AGAP1: variants seen among roughly 807,000 people sequenced by gnomAD.
The protein encoded by AGAP1 is ArfGAP with GTPase domain, ankyrin repeat and PH domain 1.
A neutral mutation model predicts 105.3 loss-of-function variants in AGAP1; 29 were observed. The observed-to-expected ratio is 0.28, with a 90% CI of 0.21 to 0.38. The LOEUF (loss-of-function observed/expected upper bound fraction) is 0.38. Among genes scored for constraint, AGAP1 ranks in the 10% least tolerant of loss-of-function variants. The pLI is 1.00. For synonymous variants in AGAP1, 509 were observed against 485.9 expected (o/e 1.05, Z -0.63); for missense variants, 998 against 1,165.1 (o/e 0.86, Z 2.09).
intron 1 of AGAP1, among the ~76,000 whole-genome samples, chr2:235,496,560 C>A (rs1941327701): frequency 6.6e-6 from 1 of 152,190 alleles, no homozygotes; most frequent in Non-Finnish European, 1.5e-5. Context: ...TGATGAAACA[C>A]TGTGAAAGCC....
At chr2:235,707,357 C>A (rs1485177990) in intron 1 of AGAP1, among the ~76,000 whole-genome samples, 1 of 151,948 alleles carries the variant, frequency 6.6e-6, no homozygotes, top group African/African-American at 2.4e-5. Context: ...GCTGTCCTTT[C>A]CTGGAGCAGG....
At chr2:235,759,239 G>C (rs113550914) in intron 6 of AGAP1, among the ~76,000 whole-genome samples, 3,429 of 145,400 alleles carry the variant, frequency 0.024, 152 homozygotes, top group African/African-American at 0.083. Context: ...TGTGATCTCA[G>C]CTCACTGCAA....
chr2:235,928,956 A>G (rs958171303), intron 11 of AGAP1, among the ~76,000 whole-genome samples: 4 of 152,174 alleles, frequency 2.6e-5, no homozygotes, highest in African/African-American at 9.6e-5. Context: ...ACCACATGGC[A>G]CTGTCATTCA....
intron 16 of AGAP1, among the ~76,000 whole-genome samples, chr2:236,086,401 G>A (rs1869295): frequency 6.6e-6 from 1 of 152,042 alleles, no homozygotes; most frequent in African/African-American, 2.4e-5. Context: ...TAGTTGCACA[G>A]TGTATATTGT....
In AGAP1 at chr2:235,866,879, A is replaced by G. The variant is rs148424874; in HGVS notation, c.1051-16466A>G. 4.4e-4 allele frequency among the ~76,000 whole-genome samples: 67 copies of G among 152,266 alleles called. 3 individuals are homozygous for G. The highest frequency in any genetic ancestry group is 8.5e-4 in the Admixed American group (13 of 15,290). On this transcript the variant is annotated intron_variant, in intron 9 of 17. Transcript: ENST00000304032. This position sits in a 1 kb window ranked among gnomAD's most constrained non-coding sequence, Gnocchi z 6.1. ...GTCATATTGGATTAGGGCCCATCCT[A>G]ACAGCCTTATTTTAACATAATTTGC... is the stretch of plus-strand genomic sequence containing the variant.
intron 9 of AGAP1, chr2:235,852,945 C>T (rs1329648257): frequency 7.9e-7 from 1 of 1,273,348 alleles, no homozygotes. Context: ...CTCTGATAGA[C>T]CTTTGACACC....
intron 1 of AGAP1, among the ~76,000 whole-genome samples, chr2:235,704,812 G>A (rs78824053): frequency 0.21 from 31,773 of 151,888 alleles, 3,597 homozygotes; most frequent in Middle Eastern, 0.28. Flanking sequence ...AGGAGGTCAA[G>A]GGGGACTTTC....
intron 9 of AGAP1, among the ~76,000 whole-genome samples, chr2:235,833,073 G>T (rs1015431286): frequency 6.6e-6 from 1 of 152,122 alleles, no homozygotes; most frequent in Non-Finnish European, 1.5e-5. Flanking sequence ...GTGAGCCAGG[G>T]AGCATGGTAG....
At chr2:235,634,076 G>A (rs918347939) in intron 1 of AGAP1, among the ~76,000 whole-genome samples, 14 of 152,192 alleles carry the variant, frequency 9.2e-5, no homozygotes, top group Admixed American at 3.9e-4. Context: ...TTGGGTGGGC[G>A]GGGCCCACAG....
chr2:235,634,025 GCC>G (rs1946913415), intron 1 of AGAP1, among the ~76,000 whole-genome samples: 1 of 152,068 alleles, frequency 6.6e-6, no homozygotes, highest in Admixed American at 6.5e-5. Context: ...CAAGCCCCCC[GCC>G]GCAGAGTTGC....
At chr2:235,909,565 GT>G (rs1215011354) in intron 11 of AGAP1, among the ~76,000 whole-genome samples, 2 of 152,116 alleles carry the variant, frequency 1.3e-5, no homozygotes, top group Non-Finnish European at 2.9e-5. Flanking sequence ...ACCTTCCCAT[GT>G]CTGCTCATCA....
chr2:235,817,197 A>G (rs1958507147), intron 9 of AGAP1, among the ~76,000 whole-genome samples: 1 of 151,950 alleles, frequency 6.6e-6, no homozygotes, highest in South Asian at 2.1e-4. Flanking sequence ...GACCAGACAC[A>G]TTTTCCCAGA....
At position 236,003,812 on chromosome 2, in the gene AGAP1, T is replaced by C. The variant is rs1277720071; in HGVS notation, c.1646-32749T>C. 1.3e-5 allele frequency among the ~76,000 whole-genome samples: 2 copies of C among 152,008 alleles called. No individual in the cohort carries two copies. Among genetic ancestry groups the C allele is most frequent in the East Asian group, 1.9e-4 (1 of 5,178 alleles). ...TTTTTTTTTTTTCTGGAAGTTTGCA[T>C]GTCCTACACTATCTATAAATATGTA... On this transcript the variant is annotated intron_variant, in intron 13 of 17. Transcript: ENST00000304032. This position sits in a 1 kb window ranked among gnomAD's most constrained non-coding sequence, Gnocchi z 4.2.
At position 235,736,746 on chromosome 2, in the gene AGAP1, T is replaced by C. The variant is rs1214576202; in HGVS notation, c.311-4217T>C. On this transcript the variant is annotated intron_variant, in intron 3 of 17. Transcript: ENST00000304032. The surrounding 1 kb of genome is among the most constrained non-coding windows in gnomAD (Gnocchi z 5.5). ...TCCCAGCTACTCAGGGAGGCTGAGGTGGGAGGATCTTTTGAGCCTAGGCAG... is the reference window on the plus strand; with the variant it reads ...TCCCAGCTACTCAGGGAGGCTGAGGCGGGAGGATCTTTTGAGCCTAGGCAG... Among the ~76,000 whole-genome samples, 1 of 151,754 alleles carries C rather than the reference T, an allele frequency of 6.6e-6. No homozygotes were observed. The highest frequency in any genetic ancestry group is 2.4e-5 in the African/African-American group (1 of 41,286).
At chr2:235,859,720 A>G (rs1487594819) in intron 9 of AGAP1, among the ~76,000 whole-genome samples, 2 of 152,166 alleles carry the variant, frequency 1.3e-5, no homozygotes, top group African/African-American at 4.8e-5. Flanking sequence ...CTTTGAAGGA[A>G]AAAATCGAGC....
rs1395409253 is a variant in AGAP1, at chr2:235,500,898, C to T, written c.163+6049C>T. Among the ~76,000 whole-genome samples the T allele has an allele frequency of 2.0e-5, 3 of 152,146 alleles. No individual in the cohort carries two copies. In the South Asian group the frequency reaches 6.2e-4, roughly 32 times the overall value. ...CATGGCGGCCTGGGCAGGAGAAGCGCTGCTGCTTGCTTTCAGAAAGCGTGC... is the reference window on the plus strand; with the variant it reads ...CATGGCGGCCTGGGCAGGAGAAGCGTTGCTGCTTGCTTTCAGAAAGCGTGC... On this transcript the variant is annotated intron_variant, in intron 1 of 17. Coordinates refer to ENST00000304032, the MANE Select transcript of AGAP1 (RefSeq NM_001037131.3).
In AGAP1 at chr2:236,114,042, T is replaced by C. The variant is rs1340672608; in HGVS notation, c.2115-6150T>C. ...CTCCTGCGGCTGATTTATTTAAAGG[T>C]GTGTCAGCACCACATCAAATGAGGA... On this transcript the variant is annotated intron_variant, in intron 16 of 17. Transcript: ENST00000304032. This position sits in a 1 kb window ranked among gnomAD's most constrained non-coding sequence, Gnocchi z 5.0. Among the ~76,000 whole-genome samples, 1 of 152,122 alleles carries C rather than the reference T, an allele frequency of 6.6e-6. No homozygotes were observed.
intron 13 of AGAP1, among the ~76,000 whole-genome samples, chr2:235,975,135 T>G (rs900837272): frequency 4.6e-5 from 7 of 152,246 alleles, no homozygotes; most frequent in Admixed American, 3.9e-4. Context: ...CATTAAATGT[T>G]GCCTACTTAC....
At position 235,662,107 on chromosome 2, in the gene AGAP1, G is replaced by A. The variant is rs1021820649; in HGVS notation, c.164-47072G>A. Among the ~76,000 whole-genome samples the A allele has an allele frequency of 3.9e-5, 6 of 152,176 alleles. No individual in the cohort carries two copies. Among genetic ancestry groups the A allele is most frequent in the Non-Finnish European group, 8.8e-5 (6 of 68,028 alleles). On this transcript the variant is annotated intron_variant, in intron 1 of 17. Transcript: ENST00000304032. This position sits in a 1 kb window ranked among gnomAD's most constrained non-coding sequence, Gnocchi z 4.2. The stretch of plus-strand genomic sequence containing the variant: ...GACCATGGCGCTGAGGAGGCGGCAC[G>A]GCCTGGCCCTCCACCTCCAAGCTGA...
Sources: gnomAD v4.1 joint callset for allele counts (sites outside exome capture counted in the v4.1 genomes callset) on GRCh38, gnomAD v4.1.1 for gene constraint, Gnocchi (gnomAD v3.1) non-coding constraint, MANE v1.5 for transcripts, NCBI Gene and HGNC (gene_info 2026-07-23, HGNC 2026-07-21) for gene names.